Variants in KCND2 observed in about 807,000 individuals in gnomAD.
The protein encoded by KCND2 is A-type voltage-gated potassium channel KCND2.
A neutral mutation model predicts 54.4 loss-of-function variants in KCND2; 16 were observed. That is an observed-to-expected ratio of 0.29 (90% CI 0.20 to 0.45). The LOEUF is 0.45. KCND2 is among the 20% of genes least tolerant of loss of function. KCND2 has a pLI of 1.00. For missense variants in KCND2, 486 were observed against 824.2 expected, an observed-to-expected ratio of 0.59 and a Z score of 5.02; for synonymous variants, 317 against 310.7, an observed-to-expected ratio of 1.02 and a Z score of -0.21.
At chr7:120,317,486 G>A (rs972528443) in intron 1 of KCND2, among the ~76,000 whole-genome samples, 2 of 152,024 alleles carry the variant, frequency 1.3e-5, no homozygotes, top group African/African-American at 4.8e-5. Context: ...AAAAAGGAAT[G>A]CATTTTTCTG....
At chr7:120,528,299 G>A (rs1037340594) in intron 1 of KCND2, among the ~76,000 whole-genome samples, 6 of 151,940 alleles carry the variant, frequency 3.9e-5, no homozygotes, top group Non-Finnish European at 7.4e-5. Flanking sequence ...GAATGATTTA[G>A]CGTTTAGAAT....
intron 1 of KCND2, among the ~76,000 whole-genome samples, chr7:120,608,546 T>C (rs1792912291): frequency 6.6e-6 from 1 of 152,164 alleles, no homozygotes. Context: ...TCTCTCACCT[T>C]TTGTTTCCAG....
chr7:120,463,632 T>C (rs532714968), intron 1 of KCND2, among the ~76,000 whole-genome samples: 17 of 152,194 alleles, frequency 1.1e-4, no homozygotes, highest in African/African-American at 4.1e-4. Context: ...AAATTATAGG[T>C]TGAAATTTAC....
intron 1 of KCND2, among the ~76,000 whole-genome samples, chr7:120,711,566 G>A (rs1171831631): frequency 6.6e-6 from 1 of 152,076 alleles, no homozygotes; most frequent in African/African-American, 2.4e-5. Flanking sequence ...GCTAGAAAGG[G>A]GACCCAGAGG....
rs756775392 is a variant in KCND2, at chr7:120,275,202, C to A, written c.570C>A (p.Val190=). Residue 190 remains valine, a synonymous_variant, in exon 1 of 6, where the codon GTC becomes GTA. Coordinates refer to ENST00000331113, the MANE Select transcript of KCND2 (RefSeq NM_012281.3). Reference sequence around the variant, plus strand: ...CGATGGCCCTGGTGTTCTACTATGTCACGGGGTTTTTCATTGCCGTCTCTG... The same window carrying A: ...CGATGGCCCTGGTGTTCTACTATGTAACGGGGTTTTTCATTGCCGTCTCTG... ...TSTMALVFYY[V]TGFFIAVSVI... 1 of 1,614,020 alleles carries A rather than the reference C, an allele frequency of 6.2e-7. No homozygotes were observed. Among genetic ancestry groups the A allele is most frequent in the Non-Finnish European group, 8.5e-7 (1 of 1,179,992 alleles).
chr7:120,432,255 C>G (rs1385660592), intron 1 of KCND2, among the ~76,000 whole-genome samples: 1 of 152,170 alleles, frequency 6.6e-6, no homozygotes, highest in Admixed American at 6.5e-5. Context: ...GTACTAATAT[C>G]TCCGTAAAGA....
intron 1 of KCND2, among the ~76,000 whole-genome samples, chr7:120,614,982 A>C (rs1257761783): frequency 1.3e-5 from 2 of 152,172 alleles, no homozygotes; most frequent in Non-Finnish European, 2.9e-5. Flanking sequence ...CATTCATCAT[A>C]CACTCAAAGA....
At chr7:120,316,132 G>C (rs754714040) in intron 1 of KCND2, among the ~76,000 whole-genome samples, 1 of 151,956 alleles carries the variant, frequency 6.6e-6, no homozygotes, top group East Asian at 1.9e-4. Flanking sequence ...AAAATTTGGC[G>C]TTTATCTTCC....
At chr7:120,731,244 G>A (rs1792803089) in intron 1 of KCND2, among the ~76,000 whole-genome samples, 2 of 152,148 alleles carry the variant, frequency 1.3e-5, no homozygotes, top group Admixed American at 1.3e-4. Flanking sequence ...TCAGTAGGGT[G>A]GATGAGGAGT....
At chr7:120,620,067 A>C (rs889289241) in intron 1 of KCND2, among the ~76,000 whole-genome samples, 2 of 152,218 alleles carry the variant, frequency 1.3e-5, no homozygotes, top group African/African-American at 4.8e-5. Flanking sequence ...ATAATTGTTT[A>C]TAATACCTCA....
chr7:120,744,851 G>A (rs1038220816), intron 4 of KCND2, among the ~76,000 whole-genome samples: 1 of 152,072 alleles, frequency 6.6e-6, no homozygotes, highest in African/African-American at 2.4e-5. Flanking sequence ...TAGTAATTGA[G>A]GTCATTCTCT....
At chr7:120,642,447 A>T (rs1793388522) in intron 1 of KCND2, among the ~76,000 whole-genome samples, 1 of 151,048 alleles carries the variant, frequency 6.6e-6, no homozygotes, top group Non-Finnish European at 1.5e-5. Context: ...CTGTAACCCC[A>T]TCTACCCAGG....
At chr7:120,519,167 A>G (rs1236188886) in intron 1 of KCND2, among the ~76,000 whole-genome samples, 1 of 151,934 alleles carries the variant, frequency 6.6e-6, no homozygotes, top group Non-Finnish European at 1.5e-5. Flanking sequence ...TTCTCTACTA[A>G]CAATACAAAA....
intron 1 of KCND2, among the ~76,000 whole-genome samples, chr7:120,457,898 G>A (rs984689319): frequency 2.6e-5 from 4 of 152,106 alleles, no homozygotes; most frequent in African/African-American, 4.8e-5. Context: ...AATTTATAAT[G>A]GAAAGAGGTT....
At chr7:120,298,881 G>A (rs1584718805) in intron 1 of KCND2, among the ~76,000 whole-genome samples, 1 of 152,300 alleles carries the variant, frequency 6.6e-6, no homozygotes, top group South Asian at 2.1e-4. Context: ...ATGGAGGCCT[G>A]GCGCGGTGGC....
At chr7:120,292,636 C>T (rs1481207542) in intron 1 of KCND2, among the ~76,000 whole-genome samples, 1 of 151,846 alleles carries the variant, frequency 6.6e-6, no homozygotes, top group Non-Finnish European at 1.5e-5. Flanking sequence ...TTTAAGGCAA[C>T]CCATTTCTTT....
chr7:120,312,659 T>G (rs960746664), intron 1 of KCND2, among the ~76,000 whole-genome samples: 1 of 152,162 alleles, frequency 6.6e-6, no homozygotes, highest in South Asian at 2.1e-4. Context: ...TTCCCAGGTG[T>G]TGTTCACGGC....
chr7:120,448,828 AT>A (rs1802058012), intron 1 of KCND2, among the ~76,000 whole-genome samples: 1 of 152,208 alleles, frequency 6.6e-6, no homozygotes, highest in African/African-American at 2.4e-5. Flanking sequence ...AAAAACCTTG[AT>A]TTTTAAAATG....
At chr7:120,665,035 G>C (rs542657748) in intron 1 of KCND2, among the ~76,000 whole-genome samples, 13 of 152,070 alleles carry the variant, frequency 8.5e-5, no homozygotes, top group African/African-American at 3.1e-4. Context: ...CGATGATGTG[G>C]TTTACTTAAC....
Sources: gnomAD v4.1 joint callset for allele counts (sites outside exome capture counted in the v4.1 genomes callset) on GRCh38, gnomAD v4.1.1 for gene constraint, MANE v1.5 for transcripts, NCBI Gene and HGNC (gene_info 2026-07-23, HGNC 2026-07-21) for gene names.